Variants in KCNMA1 observed in about 807,000 individuals in gnomAD.
KCNMA1 encodes the protein Calcium-activated potassium channel subunit alpha-1.
In KCNMA1, 29 loss-of-function variants were observed where a neutral mutation model predicts 140.0. The ratio of observed to expected loss-of-function variants is 0.21; its 90% CI spans 0.15 to 0.28. The LOEUF is 0.28. Ranked by LOEUF, KCNMA1 falls within the 10% of genes least tolerant of loss-of-function variation. The probability of loss-of-function intolerance (pLI) is 1.00; values close to 1 mark genes in which losing one functional copy is unlikely to be tolerated. For synonymous variants in KCNMA1, 612 were observed against 611.9 expected, an observed-to-expected ratio of 1.00 and a Z score of 0.00; for missense variants, 880 against 1,602.2, an observed-to-expected ratio of 0.55 and a Z score of 7.70.
Position 76,888,729 on chromosome 10 carries a change from T to C in KCNMA1, c.3461+722A>G, listed in dbSNP as rs553265497. Reference sequence around the variant, plus strand: ...TTAAAAAGCGAGTCAATTTAAAATATGTGAAGTAAAAATATGGGATTCTGA... The same window carrying C: ...TTAAAAAGCGAGTCAATTTAAAATACGTGAAGTAAAAATATGGGATTCTGA... On this transcript the variant is annotated intron_variant, in intron 27 of 27. Coordinates refer to ENST00000286628, the MANE Select transcript of KCNMA1 (RefSeq NM_001161352.2). Among the ~76,000 whole-genome samples, 14 of 152,276 alleles carry C rather than the reference T, an allele frequency of 9.2e-5. No individual in the cohort carries two copies. In the South Asian group the frequency reaches 2.9e-3, roughly 32 times the overall value.
chr10:77,062,018 G>A lies in KCNMA1; in HGVS notation c.1749+11079C>T, dbSNP rs534582907. Among the ~76,000 whole-genome samples the A allele has an allele frequency of 1.5e-4, 23 of 152,288 alleles. No individual in the cohort carries two copies. In the East Asian group the frequency reaches 4.3e-3, roughly 28 times the overall value. Reference sequence around the variant, plus strand: ...CTAGGAGTGACAGGAGGGTGTGACTGTACAGCATGAGGGAATTTGGGGGTA... The same window carrying A: ...CTAGGAGTGACAGGAGGGTGTGACTATACAGCATGAGGGAATTTGGGGGTA... On this transcript the variant is annotated intron_variant, in intron 14 of 27. Transcript: ENST00000286628.
chr10:77,527,410 A>G (rs1428807356), intron 1 of KCNMA1, among the ~76,000 whole-genome samples: 1 of 152,202 alleles, frequency 6.6e-6, no homozygotes, highest in East Asian at 1.9e-4. Context: ...TGCTTACACA[A>G]TGGCAGAGGA....
intron 2 of KCNMA1, among the ~76,000 whole-genome samples, chr10:77,277,258 A>C (rs1444614265): frequency 2.0e-5 from 3 of 152,208 alleles, no homozygotes; most frequent in Admixed American, 6.5e-5. Context: ...TCTAATGAGA[A>C]GGAGCATTCC....
chr10:76,936,860 T>A (rs1164634368), intron 23 of KCNMA1, among the ~76,000 whole-genome samples: 2 of 152,144 alleles, frequency 1.3e-5, no homozygotes, highest in Non-Finnish European at 2.9e-5. Context: ...CTCCCCATCT[T>A]TGAACACAAA....
chr10:77,137,276 G>A (rs1554865004), intron 5 of KCNMA1, among the ~76,000 whole-genome samples: 1 of 152,104 alleles, frequency 6.6e-6, no homozygotes, highest in Non-Finnish European at 1.5e-5. Flanking sequence ...TTTCCAATTT[G>A]CTATTTTCCA....
intron 1 of KCNMA1, among the ~76,000 whole-genome samples, chr10:77,413,390 A>G (rs1603502756): frequency 1.3e-5 from 2 of 151,808 alleles, no homozygotes; most frequent in African/African-American, 4.8e-5. Flanking sequence ...GAGGACATCC[A>G]CCCAGCAACC....
intron 23 of KCNMA1, among the ~76,000 whole-genome samples, chr10:76,916,814 T>C (rs1291614375): frequency 6.6e-6 from 1 of 152,206 alleles, no homozygotes; most frequent in Non-Finnish European, 1.5e-5. Context: ...TGGAGGTGCA[T>C]AATGCATAAA....
rs117643420 is a variant in KCNMA1 at position 77,462,149 on chromosome 10, C to T, written c.379-58126G>A. Among the ~76,000 whole-genome samples the T allele has an allele frequency of 3.3e-3, 509 of 152,038 alleles. 10 individuals are homozygous for T. The East Asian group carries it at 0.051, about 15-fold the overall frequency. The stretch of plus-strand genomic sequence containing the variant: ...AAACACATACATGCACACACATACA[C>T]GCATGCACACAATGAAACAGGCACA... On this transcript the variant is annotated intron_variant, in intron 1 of 27. Transcript: ENST00000286628.
intron 2 of KCNMA1, among the ~76,000 whole-genome samples, chr10:77,293,097 T>C (rs1411426070): frequency 6.6e-6 from 1 of 152,140 alleles, no homozygotes; most frequent in Non-Finnish European, 1.5e-5. Context: ...CTTGGTGTGC[T>C]TCAAGAGCCT....
intron 2 of KCNMA1, among the ~76,000 whole-genome samples, chr10:77,254,242 G>A (rs1368049707): frequency 1.4e-4 from 14 of 99,304 alleles, no homozygotes; most frequent in African/African-American, 4.2e-4. Context: ...TTTTTTTTTA[G>A]ACAGATCCTC....
intron 3 of KCNMA1, among the ~76,000 whole-genome samples, chr10:77,233,906 G>C (rs1023902657): frequency 2.0e-5 from 3 of 152,094 alleles, no homozygotes; most frequent in African/African-American, 7.2e-5. Flanking sequence ...GATCATGGCA[G>C]GTTACAAGTG....
At chr10:77,131,993 G>T in intron 5 of KCNMA1, among the ~76,000 whole-genome samples, 1 of 149,208 alleles carries the variant, frequency 6.7e-6, no homozygotes, top group Non-Finnish European at 1.5e-5. Context: ...GAAAAGAAAA[G>T]GGAAGAAAAG....
intron 19 of KCNMA1, chr10:76,977,616 C>G (rs1156595582): frequency 1.4e-6 from 1 of 702,920 alleles, no homozygotes. Context: ...CCAGTCTCCA[C>G]AAAGAACAAT....
chr10:77,375,543 G>T (rs2095039426), intron 2 of KCNMA1, among the ~76,000 whole-genome samples: 1 of 152,250 alleles, frequency 6.6e-6, no homozygotes, highest in African/African-American at 2.4e-5. Flanking sequence ...CCGCACTGCA[G>T]TCAGGGCAAC....
chr10:77,396,852 T>C (rs183169768), intron 2 of KCNMA1, among the ~76,000 whole-genome samples: 1 of 152,090 alleles, frequency 6.6e-6, no homozygotes, highest in Non-Finnish European at 1.5e-5. Flanking sequence ...CATAGGAATA[T>C]GGGGAAAGTA....
intron 1 of KCNMA1, among the ~76,000 whole-genome samples, chr10:77,619,534 G>C (rs2090738268): frequency 6.6e-6 from 1 of 152,138 alleles, no homozygotes; most frequent in African/African-American, 2.4e-5. Context: ...ACAGGGGCTA[G>C]CTCTGCCCCA....
intron 2 of KCNMA1, among the ~76,000 whole-genome samples, chr10:77,353,963 C>CT (rs1197035459): frequency 2.8e-3 from 36 of 12,634 alleles, no homozygotes; most frequent in African/African-American, 9.5e-3. Flanking sequence ...CATCCTGCCT[C>CT]TTTTTTTGGG....
At chr10:77,093,536 T>C (rs1283639400) in intron 9 of KCNMA1, among the ~76,000 whole-genome samples, 2 of 152,182 alleles carry the variant, frequency 1.3e-5, no homozygotes, top group African/African-American at 4.8e-5. Flanking sequence ...AACTCAGCAA[T>C]CGGTATTAGG....
Position 77,183,410 on chromosome 10 carries a change from G to C in KCNMA1, c.808+11C>G. 6.3e-7 allele frequency: 1 copy of C among 1,581,934 alleles called. No homozygotes were observed. The highest frequency in any genetic ancestry group is 8.7e-7 in the Non-Finnish European group (1 of 1,150,848). On this transcript the variant is annotated intron_variant, in intron 5 of 27. Transcript: ENST00000286628. Reference sequence around the variant, plus strand: ...GAACCAGGAAGGAGAAGGAAAGAGAGGCTGACTTACCAAGCCAACTTCTGT... The same window carrying C: ...GAACCAGGAAGGAGAAGGAAAGAGACGCTGACTTACCAAGCCAACTTCTGT...
Sources: allele counts gnomAD v4.1 joint callset (sites outside exome capture counted in the v4.1 genomes callset), GRCh38; gene constraint gnomAD v4.1.1; transcripts MANE v1.5; gene names NCBI Gene and HGNC (gene_info 2026-07-23, HGNC 2026-07-21).